Variants in TAFA2 observed in about 807,000 individuals in gnomAD.
The protein encoded by TAFA2 is chemokine-like protein TAFA-2.
A neutral mutation model predicts 18.8 loss-of-function variants in TAFA2; 7 were observed. The ratio of observed to expected loss-of-function variants is 0.37; its 90% CI spans 0.21 to 0.70. The LOEUF is 0.70. Among genes scored for constraint, TAFA2 ranks in the 30% least tolerant of loss-of-function variants. TAFA2 has a pLI of 0.53. For synonymous variants in TAFA2, 60 were observed against 54.2 expected (o/e 1.11, Z -0.47); for missense variants, 122 against 158.1 (o/e 0.77, Z 1.23).
chr12:62,212,997 C>T (rs911881225), intron 1 of TAFA2, among the ~76,000 whole-genome samples: 2 of 152,114 alleles, frequency 1.3e-5, no homozygotes, highest in Admixed American at 6.5e-5. Context: ...GCTTCATATG[C>T]TAGTTCTAAA....
At chr12:62,135,889 A>G (rs1288741958) in intron 1 of TAFA2, 1 of 152,122 alleles carries the variant, frequency 6.6e-6, no homozygotes, top group African/African-American at 2.4e-5. Flanking sequence ...ATCTCAGGAG[A>G]AATCATACAT....
chr12:62,159,446 T>A (rs764027582), intron 1 of TAFA2, among the ~76,000 whole-genome samples: 35 of 152,150 alleles, frequency 2.3e-4, no homozygotes, highest in Non-Finnish European at 3.8e-4. Context: ...CATTTAGGAA[T>A]TACAACTCAG....
At chr12:62,089,073 C>A (rs1253977672) in intron 1 of TAFA2, among the ~76,000 whole-genome samples, 2 of 152,084 alleles carry the variant, frequency 1.3e-5, no homozygotes, top group Non-Finnish European at 2.9e-5. Flanking sequence ...TGAAGTTCAA[C>A]AAATATCCAC....
At chr12:62,156,527 A>G (rs1010865738) in intron 1 of TAFA2, among the ~76,000 whole-genome samples, 1 of 152,180 alleles carries the variant, frequency 6.6e-6, no homozygotes, top group African/African-American at 2.4e-5. Context: ...TCACAATTTC[A>G]AAACCGTGGA....
At chr12:61,757,459 G>C (rs1255246140) in intron 2 of TAFA2, among the ~76,000 whole-genome samples, 1 of 151,944 alleles carries the variant, frequency 6.6e-6, no homozygotes, top group African/African-American at 2.4e-5. Context: ...AAGCTTAAAA[G>C]ATACCAATGC....
At chr12:62,098,194 A>G (rs1869030017) in intron 1 of TAFA2, among the ~76,000 whole-genome samples, 1 of 152,076 alleles carries the variant, frequency 6.6e-6, no homozygotes, top group African/African-American at 2.4e-5. Flanking sequence ...GTATGCAAAC[A>G]CTTAGATGCA....
intron 1 of TAFA2, among the ~76,000 whole-genome samples, chr12:62,111,677 T>C (rs145861664): frequency 0.22 from 34,139 of 152,178 alleles, 4,199 homozygotes; most frequent in East Asian, 0.37. Context: ...GCTCCTGTAT[T>C]GGGTACATAT....
chr12:61,850,810 C>T (rs779001217), intron 2 of TAFA2, among the ~76,000 whole-genome samples: 1 of 151,998 alleles, frequency 6.6e-6, no homozygotes, highest in Admixed American at 6.5e-5. Context: ...AAAATCTAAA[C>T]CTTTAAATGA....
intron 1 of TAFA2, among the ~76,000 whole-genome samples, chr12:61,909,086 C>A (rs764910634): frequency 1.2e-4 from 19 of 152,132 alleles, no homozygotes; most frequent in Non-Finnish European, 2.6e-4. Context: ...AGGATGTTCA[C>A]ATATCAGAAA....
chr12:61,855,879 A>C (rs1873861389), intron 2 of TAFA2, among the ~76,000 whole-genome samples: 1 of 152,088 alleles, frequency 6.6e-6, no homozygotes, highest in Admixed American at 6.5e-5. Context: ...TAGATACTAA[A>C]TGCTCCTGGG....
At chr12:61,835,758 A>T (rs893141405) in intron 2 of TAFA2, among the ~76,000 whole-genome samples, 8 of 152,002 alleles carry the variant, frequency 5.3e-5, no homozygotes, top group African/African-American at 1.9e-4. Context: ...GTAGATTTCT[A>T]AAGTAAAATA....
At chr12:62,230,472 G>A (rs1279906149) in intron 1 of TAFA2, among the ~76,000 whole-genome samples, 1 of 151,890 alleles carries the variant, frequency 6.6e-6, no homozygotes, top group Admixed American at 6.6e-5. Flanking sequence ...TCAGCCCCTT[G>A]ATCATTCAGG....
chr12:61,729,847 G>A (rs1328746471), intron 4 of TAFA2, among the ~76,000 whole-genome samples: 1 of 152,030 alleles, frequency 6.6e-6, no homozygotes, highest in Non-Finnish European at 1.5e-5. Context: ...TCTCATTTGG[G>A]TATACTATGT....
intron 2 of TAFA2, among the ~76,000 whole-genome samples, chr12:61,844,249 A>G (rs1287126888): frequency 2.6e-5 from 4 of 152,114 alleles, no homozygotes; most frequent in Non-Finnish European, 5.9e-5. Flanking sequence ...TAAGTGGCAA[A>G]CATCTCCACT....
chr12:61,867,364 A>C lies in TAFA2; in HGVS notation c.62T>G (p.Val21Gly). The change falls in exon 2 of 5, where the codon GTA (valine) becomes GGA (glycine). Residue 21 changes from valine (V) to glycine (G), a missense_variant. This residue lies in a region of TAFA2 where 62 missense variants were observed against 55.5 expected (regional missense o/e 1.12). Transcript: ENST00000416284. ...GGATACAACTTTCCCCCACAAGGTTACAATAAATATTATTATTAGCAGTTT... is the reference window on the plus strand; with the variant it reads ...GGATACAACTTTCCCCCACAAGGTTCCAATAAATATTATTATTAGCAGTTT... Reference protein sequence around the residue: ...KGKLLIIIFIVTLWGKVVSSA... With the variant: ...KGKLLIIIFIGTLWGKVVSSA... 6.2e-7 allele frequency: 1 copy of C among 1,609,882 alleles called. No homozygotes were observed. The highest frequency in any genetic ancestry group is 8.5e-7 in the Non-Finnish European group (1 of 1,177,332).
chr12:62,036,284 C>G (rs1231618561), intron 1 of TAFA2, among the ~76,000 whole-genome samples: 1 of 152,124 alleles, frequency 6.6e-6, no homozygotes, highest in African/African-American at 2.4e-5. Flanking sequence ...AATAAGAAAA[C>G]ATTGAATATT....
chr12:61,913,180 C>G (rs1237654266), intron 1 of TAFA2, among the ~76,000 whole-genome samples: 1 of 151,702 alleles, frequency 6.6e-6, no homozygotes, highest in Non-Finnish European at 1.5e-5. Flanking sequence ...AGTTAAGAAA[C>G]AACAGAAAAT....
chr12:61,970,004 A>C (rs559469246), intron 1 of TAFA2, among the ~76,000 whole-genome samples: 1 of 151,852 alleles, frequency 6.6e-6, no homozygotes, highest in South Asian at 2.1e-4. Context: ...GGAGCTTGAC[A>C]GTCATAATAA....
At chr12:61,732,416 C>A (rs558992332) in intron 4 of TAFA2, among the ~76,000 whole-genome samples, 5 of 152,164 alleles carry the variant, frequency 3.3e-5, no homozygotes, top group Non-Finnish European at 5.9e-5. Context: ...TAAGGCTAAA[C>A]CGTAGGCAAA....
Sources: gnomAD v4.1 joint callset for allele counts (sites outside exome capture counted in the v4.1 genomes callset) on GRCh38, gnomAD v4.1.1 for gene constraint, gnomAD v4.1.1 regional missense constraint, MANE v1.5 for transcripts, NCBI Gene and HGNC (gene_info 2026-07-23, HGNC 2026-07-21) for gene names.